UBR3: variants seen among roughly 807,000 people sequenced by gnomAD.
UBR3 encodes E3 ubiquitin-protein ligase UBR3.
In UBR3, 85 loss-of-function variants were observed where a neutral mutation model predicts 243.2. The ratio of observed to expected loss-of-function variants is 0.35; its 90% CI spans 0.29 to 0.42. The LOEUF (loss-of-function observed/expected upper bound fraction) is 0.42, where lower values mean the gene tolerates loss of function less well. UBR3 is among the 10% of genes least tolerant of loss of function. UBR3 has a pLI of 1.00. For missense variants in UBR3, 1,686 were observed against 2,300.8 expected, an observed-to-expected ratio of 0.73 and a Z score of 5.47; for synonymous variants, 748 against 799.8, an observed-to-expected ratio of 0.94 and a Z score of 1.09.
rs1358971463 is a variant in UBR3, at chr2:169,875,660, A to G, written c.686-131A>G. ...ACCAATTTCTAAACAGAGTTCTTGT[A>G]TTGACTTTTTTGATTATAAAATACT... is the stretch of plus-strand genomic sequence containing the variant. On this transcript the variant is annotated intron_variant, in intron 2 of 38. Coordinates refer to ENST00000272793, the MANE Select transcript of UBR3 (RefSeq NM_172070.4). The G allele has an allele frequency of 8.8e-6, 8 of 911,842 alleles. No homozygotes were observed. In the Admixed American group the frequency reaches 2.0e-4, roughly 23 times the overall value. 56.5% of individuals were successfully genotyped at this position (911,842 alleles called of 1,614,324 possible).
chr2:170,032,263 TAAAAAC>T (rs68127008), intron 31 of UBR3, among the ~76,000 whole-genome samples: 57,503 of 151,218 alleles, frequency 0.38, 10,902 homozygotes, highest in South Asian at 0.5. Context: ...ATGTGCTTGT[TAAAAAC>T]AAAAACAAAA....
intron 3 of UBR3, among the ~76,000 whole-genome samples, chr2:169,876,326 CGCCTTG>C (rs1025353264): frequency 1.3e-5 from 2 of 152,062 alleles, no homozygotes; most frequent in African/African-American, 4.8e-5. Context: ...ATGATCCGCC[CGCCTTG>C]GCCTTCCGAA....
chr2:170,077,510 G>T, intron 36 of UBR3: 2 of 1,069,526 alleles, frequency 1.9e-6, no homozygotes, highest in African/African-American at 1.6e-5. Flanking sequence ...CCATAGATAA[G>T]TAGTTTTCTT....
intron 32 of UBR3, among the ~76,000 whole-genome samples, chr2:170,050,746 G>A (rs1002048576): frequency 4.6e-5 from 7 of 152,152 alleles, no homozygotes; most frequent in African/African-American, 1.4e-4. Context: ...AACCTCATGT[G>A]AGAGATTCCT....
chr2:169,902,350 TTC>T (rs1047612062), intron 8 of UBR3, among the ~76,000 whole-genome samples: 1 of 152,164 alleles, frequency 6.6e-6, no homozygotes, highest in Non-Finnish European at 1.5e-5. Flanking sequence ...TCTTATAATG[TTC>T]TCTCTCTTAA....
intron 5 of UBR3, among the ~76,000 whole-genome samples, chr2:169,887,724 T>C (rs1028423534): frequency 2.4e-4 from 37 of 152,188 alleles, no homozygotes; most frequent in African/African-American, 8.7e-4. Flanking sequence ...CACTTAGTGG[T>C]GACTCACTGT....
At chr2:169,973,517 A>G (rs573811925) in intron 24 of UBR3, among the ~76,000 whole-genome samples, 1 of 152,108 alleles carries the variant, frequency 6.6e-6, no homozygotes, top group South Asian at 2.1e-4. Flanking sequence ...TTCAAACTAT[A>G]CTAGAAACAC....
chr2:170,038,753 C>T (rs978347722), intron 31 of UBR3, among the ~76,000 whole-genome samples: 1 of 151,996 alleles, frequency 6.6e-6, no homozygotes, highest in African/African-American at 2.4e-5. Flanking sequence ...TGTATAAATG[C>T]AGGAGGACGT....
chr2:169,859,831 C>T (rs2083025942), intron 1 of UBR3, among the ~76,000 whole-genome samples: 1 of 152,094 alleles, frequency 6.6e-6, no homozygotes. Context: ...ATTCTTCTGC[C>T]TCAGGCTCCT....
intron 10 of UBR3, among the ~76,000 whole-genome samples, chr2:169,910,195 A>G (rs185834442): frequency 2.6e-5 from 4 of 152,290 alleles, no homozygotes; most frequent in Non-Finnish European, 5.9e-5. Context: ...CATATAGAAG[A>G]TATTTATCAC....
chr2:169,880,375 A>G (rs2083775655), intron 5 of UBR3, among the ~76,000 whole-genome samples: 1 of 152,230 alleles, frequency 6.6e-6, no homozygotes, highest in Non-Finnish European at 1.5e-5. Flanking sequence ...CAGGCTTGCT[A>G]ACAATTCTAC....
At chr2:169,937,315 G>A (rs1040259227) in intron 19 of UBR3, among the ~76,000 whole-genome samples, 6 of 152,216 alleles carry the variant, frequency 3.9e-5, no homozygotes, top group African/African-American at 1.4e-4. Flanking sequence ...CTTTTGAGAA[G>A]TGTCTGTTCG....
rs553691510 is a variant in UBR3, at chr2:169,897,128, A to T, written c.1465+393A>T. Reference sequence around the variant, plus strand: ...TGTACATGTCAAAAACATGCATTTTAATAAGTGCAGGTATTAATATCATGG... The same window carrying T: ...TGTACATGTCAAAAACATGCATTTTTATAAGTGCAGGTATTAATATCATGG... On this transcript the variant is annotated intron_variant, in intron 8 of 38. Coordinates refer to ENST00000272793, the MANE Select transcript of UBR3 (RefSeq NM_172070.4). Among the ~76,000 whole-genome samples, 8 of 152,310 alleles carry T rather than the reference A, an allele frequency of 5.3e-5. 1 individual carries two copies. The South Asian group carries it at 1.7e-3, about 32-fold the overall frequency.
intron 20 of UBR3, among the ~76,000 whole-genome samples, chr2:169,944,683 C>A (rs1292500564): frequency 3.5e-5 from 5 of 144,582 alleles, no homozygotes; most frequent in Non-Finnish European, 7.6e-5. Flanking sequence ...ATTTTTATTT[C>A]TTTTTTTTTT....
intron 10 of UBR3, among the ~76,000 whole-genome samples, chr2:169,911,840 T>C (rs947034248): frequency 6.6e-6 from 1 of 152,192 alleles, no homozygotes; most frequent in African/African-American, 2.4e-5. Flanking sequence ...TGATAACTTA[T>C]AAGTGCCATT....
intron 23 of UBR3, among the ~76,000 whole-genome samples, chr2:169,952,899 A>G (rs2087103876): frequency 6.6e-6 from 1 of 151,692 alleles, no homozygotes; most frequent in African/African-American, 2.4e-5. Flanking sequence ...TAATAAATCT[A>G]CTGACAAAAT....
At chr2:169,974,662 A>G (rs139723092) in intron 24 of UBR3, among the ~76,000 whole-genome samples, 6 of 151,826 alleles carry the variant, frequency 4.0e-5, no homozygotes, top group African/African-American at 7.2e-5. Flanking sequence ...TATTTATTTC[A>G]GCTCTGATCT....
At chr2:170,066,458 T>C (rs1250632287) in intron 35 of UBR3, among the ~76,000 whole-genome samples, 1 of 152,230 alleles carries the variant, frequency 6.6e-6, no homozygotes, top group Non-Finnish European at 1.5e-5. Flanking sequence ...TGTATGTGCA[T>C]TTTTATTGGA....
At chr2:170,080,475 A>G in intron 37 of UBR3, 70 bp from the exon 38 acceptor site, 1 of 1,400,140 alleles carries the variant, frequency 7.1e-7, no homozygotes, top group Non-Finnish European at 9.6e-7. Flanking sequence ...AGAAGGCATT[A>G]ATATATTCTT....
Sources: gnomAD v4.1 joint callset for allele counts (sites outside exome capture counted in the v4.1 genomes callset) on GRCh38, gnomAD v4.1.1 for gene constraint, MANE v1.5 for transcripts, NCBI Gene and HGNC (gene_info 2026-07-23, HGNC 2026-07-21) for gene names.